The following XPO7 variants were observed in gnomAD, a reference collection of about 807,000 sequenced individuals.
The protein encoded by XPO7 is exportin 7.
In XPO7, 21 loss-of-function variants were observed where a neutral mutation model predicts 144.3. The ratio of observed to expected loss-of-function variants is 0.15; its 90% CI spans 0.10 to 0.21. The LOEUF (loss-of-function observed/expected upper bound fraction) is 0.21. Among genes scored for constraint, XPO7 ranks in the 10% least tolerant of loss-of-function variants. The pLI is 1.00. For missense variants in XPO7, 808 were observed against 1,325.8 expected, an observed-to-expected ratio of 0.61 and a Z score of 6.06; for synonymous variants, 580 against 499.6, an observed-to-expected ratio of 1.16 and a Z score of -2.15.
At chr8:22,004,084 C>T in intron 27 of XPO7, 54 bp downstream of exon 27, 2 of 1,605,420 alleles carry the variant, frequency 1.2e-6, no homozygotes, top group South Asian at 2.2e-5. Context: ...TTTTTCAAAT[C>T]AACGAAACAG....
rs762050301 is a variant in XPO7 at position 21,990,899 on chromosome 8, G to A, written c.2021G>A (p.Arg674His). The change falls in exon 18 of 28, where the codon CGT becomes CAT. Residue 674 changes from arginine (R) to histidine (H), a missense_variant. By Grantham distance (29) the Arg-to-His change is conservative. Around this residue, in one of 5 missense-constraint regions of XPO7, gnomAD observed 416 missense variants for 612.5 expected, o/e 0.68. Transcript: ENST00000252512. ...ACTACCTTCTACACAGCACTTGGGC[G>A]TCTCCTCATGGTGGATTTAGGTACC... ...CRTTFYTALGRLLMVDLGEDE... is the reference protein window; with the variant it reads ...CRTTFYTALGHLLMVDLGEDE... The A allele has an allele frequency of 6.2e-6, 10 of 1,613,822 alleles. No individual in the cohort carries two copies. The highest frequency in any genetic ancestry group is 8.5e-6 in the Non-Finnish European group (10 of 1,179,850).
chr8:21,968,088 A>G (rs1406404322), intron 2 of XPO7, among the ~76,000 whole-genome samples: 3 of 152,230 alleles, frequency 2.0e-5, no homozygotes, highest in Admixed American at 6.5e-5. Flanking sequence ...TGAAAGAGAA[A>G]ACACCAAGAA....
chr8:22,005,280 G>A lies in XPO7; in HGVS notation c.*192G>A. 1 of 394,124 alleles carries A rather than the reference G, an allele frequency of 2.5e-6. No homozygotes were observed. Among genetic ancestry groups the A allele is most frequent in the Non-Finnish European group, 4.5e-6 (1 of 221,484 alleles). 24.4% of individuals were successfully genotyped at this position (394,124 alleles called of 1,614,324 possible). Reference sequence around the variant, plus strand: ...TACACTCACTAGGGGGCAGGGCGCTGCTGGTTCCTGGGGGACTGGGTGGGA... The same window carrying A: ...TACACTCACTAGGGGGCAGGGCGCTACTGGTTCCTGGGGGACTGGGTGGGA... On this transcript the variant is annotated 3_prime_UTR_variant, in exon 28 of 28. Transcript: ENST00000252512.
At chr8:21,944,153 C>G (rs748224704) in intron 1 of XPO7, among the ~76,000 whole-genome samples, 3 of 152,152 alleles carry the variant, frequency 2.0e-5, no homozygotes, top group Non-Finnish European at 4.4e-5. Context: ...CAGCTAGGAA[C>G]AAGGTTTAGG....
chr8:21,955,559 GC>G (rs1180177057), intron 1 of XPO7, among the ~76,000 whole-genome samples: 1 of 152,102 alleles, frequency 6.6e-6, no homozygotes, highest in East Asian at 1.9e-4. Flanking sequence ...TGTCCCTGAA[GC>G]CACATTGCTT....
At chr8:21,919,861 CAG>C in intron 1 of XPO7, 73 bp downstream of exon 1, 1 of 313,446 alleles carries the variant, frequency 3.2e-6, no homozygotes, top group South Asian at 1.4e-4. Context: ...ACACGGCCCA[CAG>C]GGCGCCAGCC....
At chr8:21,972,914 A>T (rs1349038585) in intron 5 of XPO7, among the ~76,000 whole-genome samples, 1 of 152,232 alleles carries the variant, frequency 6.6e-6, no homozygotes, top group East Asian at 1.9e-4. Context: ...TGCCACATGC[A>T]ATCCCCGTTG....
At chr8:22,000,946 T>A (rs919162107) in intron 24 of XPO7, among the ~76,000 whole-genome samples, 1 of 152,194 alleles carries the variant, frequency 6.6e-6, no homozygotes. Context: ...TCTATCAGTC[T>A]ATCAGGGTGC....
chr8:21,973,319 C>G (rs1018875389), intron 5 of XPO7, among the ~76,000 whole-genome samples: 2 of 152,156 alleles, frequency 1.3e-5, no homozygotes, highest in African/African-American at 4.8e-5. Flanking sequence ...TAAAAAACTT[C>G]AAGATTTTAC....
intron 21 of XPO7, among the ~76,000 whole-genome samples, chr8:21,997,498 CAG>C (rs1812991454): frequency 6.6e-6 from 1 of 152,192 alleles, no homozygotes; most frequent in Non-Finnish European, 1.5e-5. Context: ...GTCTTCTAAA[CAG>C]AAAACATCTG....
chr8:21,921,374 T>A (rs1284548592), intron 1 of XPO7: 1 of 152,294 alleles, frequency 6.6e-6, no homozygotes, highest in Non-Finnish European at 1.5e-5. Context: ...CCAGTGCGCT[T>A]CCTTACTGGG....
chr8:21,988,861 T>G (rs1056553894), intron 15 of XPO7, 142 bp from the exon 16 acceptor site: 1 of 672,966 alleles, frequency 1.5e-6, no homozygotes, highest in African/African-American at 1.8e-5. Flanking sequence ...CTACCCATCT[T>G]TTTTTGTGGT....
At chr8:21,995,468 C>T (rs1394755913) in intron 20 of XPO7, 24 bp from the exon 21 acceptor site, 5 of 1,571,994 alleles carry the variant, frequency 3.2e-6, no homozygotes, top group South Asian at 1.2e-5. Context: ...AATCAGAAAT[C>T]TTTCCTTAGC....
At chr8:21,940,683 G>C (rs1810961699) in intron 1 of XPO7, among the ~76,000 whole-genome samples, 1 of 152,084 alleles carries the variant, frequency 6.6e-6, no homozygotes, top group South Asian at 2.1e-4. Flanking sequence ...TGGCCAGGCT[G>C]GTCTCGAACT....
chr8:22,002,544 A>G (rs1431912304), intron 25 of XPO7, among the ~76,000 whole-genome samples: 2 of 152,166 alleles, frequency 1.3e-5, no homozygotes, highest in Non-Finnish European at 2.9e-5. Context: ...TTTCTGTGAA[A>G]ATTACTTTGC....
chr8:21,989,057 A>G lies in XPO7; in HGVS notation c.1842A>G (p.Leu614=), dbSNP rs1812673301. The G allele has an allele frequency of 6.2e-7, 1 of 1,613,828 alleles. No individual in the cohort carries two copies. The highest frequency in any genetic ancestry group is 1.1e-5 in the South Asian group (1 of 91,066). Residue 614 remains leucine, a synonymous_variant, in exon 16 of 28, where the codon CTA becomes CTG. Transcript: ENST00000252512. ...GRCEPITSKT[L]QLLNDLSIGY... ...GTGAACCAATCACCTCCAAGACACT[A>G]CAGCTTCTCAATGACCTGTCCATTG...
intron 1 of XPO7, among the ~76,000 whole-genome samples, chr8:21,934,147 A>C (rs912133297): frequency 6.6e-6 from 1 of 152,244 alleles, no homozygotes; most frequent in Non-Finnish European, 1.5e-5. Flanking sequence ...TCAGTAAATT[A>C]TACCAATAAA....
chr8:21,976,429 A>T lies in XPO7; in HGVS notation c.671A>T (p.His224Leu). The T allele has an allele frequency of 1.2e-6, 2 of 1,614,028 alleles. No individual in the cohort carries two copies. The highest frequency in any genetic ancestry group is 1.7e-6 in the Non-Finnish European group (2 of 1,179,900). ...GLLMQLLKLT[H>L]NCLNFDFIGT... ...CTCATGCAACTGCTCAAGCTCACTC[A>T]TAACTGCCTCAACTTTGACTTCATC... The change falls in exon 7 of 28, where the codon CAT becomes CTT. Residue 224 changes from histidine to leucine, a missense_variant. Coordinates refer to ENST00000252512, the MANE Select transcript of XPO7 (RefSeq NM_015024.5).
chr8:21,919,844 G>T, intron 1 of XPO7, 56 bp downstream of exon 1: 1 of 344,788 alleles, frequency 2.9e-6, no homozygotes, highest in Non-Finnish European at 5.2e-6. Context: ...AGTGGAGTCG[G>T]GGGTGCACAC....
Sources: gnomAD v4.1 joint callset for allele counts (sites outside exome capture counted in the v4.1 genomes callset) on GRCh38, gnomAD v4.1.1 for gene constraint, gnomAD v4.1.1 regional missense constraint, MANE v1.5 for transcripts, NCBI Gene and HGNC (gene_info 2026-07-23, HGNC 2026-07-21) for gene names.